NLGN4X: variants seen among roughly 807,000 people sequenced by gnomAD.
The protein encoded by NLGN4X is neuroligin 4 X-linked, also known as neuroligin-4, X-linked.
Under a neutral mutation model 40.3 loss-of-function variants are expected in NLGN4X, and 3 were observed. That is an observed-to-expected ratio of 0.07 (90% CI 0.03 to 0.19). The LOEUF (loss-of-function observed/expected upper bound fraction) is 0.19, where lower values mean the gene tolerates loss of function less well. NLGN4X is among the 10% of genes least tolerant of loss of function. The pLI is 1.00. For synonymous variants in NLGN4X, 270 were observed against 306.8 expected (o/e 0.88, Z 1.25); for missense variants, 382 against 708.3 (o/e 0.54, Z 5.23).
intron 2 of NLGN4X, among the ~76,000 whole-genome samples, chrX:6,046,161 C>A (rs188495410): frequency 9.1e-4 from 101 of 111,533 alleles, no homozygotes; most frequent in African/African-American, 3.1e-3. Flanking sequence ...CATAAAAGAA[C>A]GCTTACATAT....
At chrX:5,999,006 G>A (rs1044001899) in intron 3 of NLGN4X, among the ~76,000 whole-genome samples, 6 of 111,506 alleles carry the variant, frequency 5.4e-5, no homozygotes, top group African/African-American at 2.0e-4. Context: ...AGAAAGCACT[G>A]CACCTCTCTG....
chrX:5,944,124 T>C (rs2034044788), intron 3 of NLGN4X, among the ~76,000 whole-genome samples: 1 of 111,302 alleles, frequency 9.0e-6, no homozygotes, highest in Admixed American at 9.5e-5. Flanking sequence ...TAACCAGGAG[T>C]GGGAGGCTTC....
At chrX:6,085,430 G>A (rs961493699) in intron 2 of NLGN4X, among the ~76,000 whole-genome samples, 2 of 111,752 alleles carry the variant, frequency 1.8e-5, no homozygotes, top group Non-Finnish European at 3.8e-5. Context: ...TGAGGTGGTC[G>A]TGTAATGGAG....
chrX:6,223,710 A>C (rs780655449), intron 1 of NLGN4X, among the ~76,000 whole-genome samples: 1 of 112,625 alleles, frequency 8.9e-6, no homozygotes, highest in East Asian at 2.8e-4. Context: ...AGATGACCTA[A>C]TTGCCTCAGC....
chrX:5,955,334 C>T (rs2034457914), intron 3 of NLGN4X, among the ~76,000 whole-genome samples: 1 of 112,151 alleles, frequency 8.9e-6, no homozygotes, highest in Admixed American at 9.5e-5. Context: ...AATGAGAATT[C>T]CAAACCCTGC....
At chrX:5,916,657 C>T (rs745467302) in intron 3 of NLGN4X, among the ~76,000 whole-genome samples, 18 of 110,729 alleles carry the variant, frequency 1.6e-4, no homozygotes, top group Non-Finnish European at 2.3e-4. Flanking sequence ...GCAATGTTGT[C>T]CAGGCTAGTC....
At chrX:6,226,148 C>T (rs1390502820) in intron 1 of NLGN4X, among the ~76,000 whole-genome samples, 4 of 107,986 alleles carry the variant, frequency 3.7e-5, no homozygotes, top group African/African-American at 1.3e-4. Flanking sequence ...AGTTGCAAGC[C>T]CCGGCGCACC....
rs1407601911 is a variant in NLGN4X, at chrX:5,892,645, G to C, written c.*172C>G. 1 of 589,225 alleles carries C rather than the reference G, an allele frequency of 1.7e-6. No individual in the cohort carries two copies. The highest frequency in any genetic ancestry group is 2.7e-6 in the Non-Finnish European group (1 of 374,030). 48.6% of individuals were successfully genotyped at this position (589,225 alleles called of 1,213,427 possible). On this transcript the variant is annotated 3_prime_UTR_variant, in exon 6 of 6. Transcript: ENST00000381095. The stretch of plus-strand genomic sequence containing the variant: ...ATACTGGAAAACACCAACGATAAGG[G>C]TCTGCCGGGATGGGATGACTGCCTT...
At chrX:6,135,219 G>C (rs1176347018) in intron 2 of NLGN4X, among the ~76,000 whole-genome samples, 1 of 111,486 alleles carries the variant, frequency 9.0e-6, no homozygotes, top group Non-Finnish European at 1.9e-5. Flanking sequence ...TCCCAACATA[G>C]AACTGCCTGG....
intron 4 of NLGN4X, among the ~76,000 whole-genome samples, chrX:5,908,246 A>G (rs935330265): frequency 9.1e-6 from 1 of 110,087 alleles, no homozygotes; most frequent in African/African-American, 3.3e-5. Context: ...TCAGGGAGAG[A>G]GACACTATTC....
At chrX:5,953,191 T>G (rs1237958704) in intron 3 of NLGN4X, among the ~76,000 whole-genome samples, 1 of 108,091 alleles carries the variant, frequency 9.3e-6, no homozygotes, top group Non-Finnish European at 1.9e-5. Context: ...GGCAACACAG[T>G]GAGACCTAAT....
intron 1 of NLGN4X, among the ~76,000 whole-genome samples, chrX:6,168,077 C>G (rs1005077301): frequency 8.9e-6 from 1 of 112,107 alleles, no homozygotes; most frequent in Non-Finnish European, 1.9e-5. Flanking sequence ...AAGAGCTATT[C>G]TTTCACTCCG....
chrX:5,907,774 G>A (rs1246138816), intron 4 of NLGN4X, among the ~76,000 whole-genome samples: 1 of 109,018 alleles, frequency 9.2e-6, no homozygotes, highest in Non-Finnish European at 1.9e-5. Flanking sequence ...GAGAGAGGAA[G>A]GGAGAGGGGA....
At chrX:6,146,121 GAA>G (rs779983813) in intron 2 of NLGN4X, among the ~76,000 whole-genome samples, 20 of 71,197 alleles carry the variant, frequency 2.8e-4, no homozygotes, top group Admixed American at 2.1e-3. Context: ...TTTCTAAAAG[GAA>G]AAAAAAAAAA....
chrX:6,123,580 TGAGA>T (rs1224220701), intron 2 of NLGN4X, among the ~76,000 whole-genome samples: 1 of 110,681 alleles, frequency 9.0e-6, no homozygotes, highest in Non-Finnish European at 1.9e-5. Flanking sequence ...GTGGGGTGAT[TGAGA>T]GAGAGAGATG....
At chrX:5,902,631 G>A (rs766118308) in intron 5 of NLGN4X, among the ~76,000 whole-genome samples, 1 of 112,494 alleles carries the variant, frequency 8.9e-6, no homozygotes, top group South Asian at 3.7e-4. Flanking sequence ...CAAGGAGGCT[G>A]TAGTGAGCTA....
At chrX:6,049,616 A>G (rs1479307863) in intron 2 of NLGN4X, among the ~76,000 whole-genome samples, 1 of 107,519 alleles carries the variant, frequency 9.3e-6, no homozygotes, top group Non-Finnish European at 1.9e-5. Context: ...ATGGGTTTGT[A>G]TGTTTTTCTC....
At chrX:6,133,941 G>A (rs1291596663) in intron 2 of NLGN4X, among the ~76,000 whole-genome samples, 6 of 111,729 alleles carry the variant, frequency 5.4e-5, no homozygotes, top group Admixed American at 3.8e-4. Context: ...TCTTTGTAGT[G>A]TGAAAGCAGA....
At chrX:5,925,905 T>TACATACAC (rs1191806131) in intron 3 of NLGN4X, among the ~76,000 whole-genome samples, 3 of 42,395 alleles carry the variant, frequency 7.1e-5, no homozygotes, top group African/African-American at 3.4e-4. Flanking sequence ...TATATATATA[T>TACATACAC]ATATATATAT....
Sources: gnomAD v4.1 joint callset for allele counts (sites outside exome capture counted in the v4.1 genomes callset) on GRCh38, gnomAD v4.1.1 for gene constraint, MANE v1.5 for transcripts, NCBI Gene and HGNC (gene_info 2026-07-23, HGNC 2026-07-21) for gene names.